The following PHACTR1 variants were observed in gnomAD, a reference collection of about 807,000 sequenced individuals.
The protein encoded by PHACTR1 is RPEL repeat containing 1.
In PHACTR1, 16 loss-of-function variants were observed where a neutral mutation model predicts 69.2. The ratio of observed to expected loss-of-function variants is 0.23; its 90% confidence interval spans 0.16 to 0.35. The LOEUF (loss-of-function observed/expected upper bound fraction) is 0.35, where lower values mean the gene tolerates loss of function less well. PHACTR1 is among the 10% of genes least tolerant of loss of function. The pLI, the probability that PHACTR1 is intolerant of heterozygous loss-of-function variation, is 1.00. For missense variants in PHACTR1, 510 were observed against 734.7 expected (o/e 0.69, Z 3.54); for synonymous variants, 312 against 284.5 (o/e 1.10, Z -0.97).
intron 5 of PHACTR1, among the ~76,000 whole-genome samples, chr6:13,087,998 T>C (rs944630978): frequency 6.6e-6 from 1 of 152,146 alleles, no homozygotes; most frequent in African/African-American, 2.4e-5. Flanking sequence ...ATCACCATAT[T>C]GAAGGGCGAA....
In PHACTR1 at chr6:13,179,246, C is replaced by T. The variant is rs1282089771; in HGVS notation, c.497-3273C>T. ...GTGAGACCCTGTCTCAAACAAACAG[C>T]AACAACAACAACAACAAACCCAGTA... On this transcript the variant is annotated intron_variant, in intron 6 of 14. Transcript: ENST00000332995. This position sits in a 1 kb window ranked among gnomAD's most constrained non-coding sequence, Gnocchi z 4.2. Among the ~76,000 whole-genome samples, 1 of 151,850 alleles carries T rather than the reference C, an allele frequency of 6.6e-6. No individual in the cohort carries two copies. The highest frequency in any genetic ancestry group is 1.9e-4 in the East Asian group (1 of 5,178).
intron 5 of PHACTR1, among the ~76,000 whole-genome samples, chr6:13,108,301 A>C (rs975000612): frequency 1.3e-5 from 2 of 152,096 alleles, no homozygotes; most frequent in African/African-American, 4.8e-5. Context: ...TGGTGTATAA[A>C]ATAACTTGGT....
chr6:13,064,213 G>A (rs904648383), intron 5 of PHACTR1, among the ~76,000 whole-genome samples: 1 of 152,012 alleles, frequency 6.6e-6, no homozygotes, highest in Admixed American at 6.6e-5. Flanking sequence ...GACTAAAATA[G>A]TGACATTAGG....
intron 3 of PHACTR1, among the ~76,000 whole-genome samples, chr6:12,741,144 G>A (rs888218583): frequency 2.6e-5 from 4 of 151,834 alleles, no homozygotes; most frequent in African/African-American, 9.7e-5. Flanking sequence ...TGCAATAAAT[G>A]TCCCAACCAG....
At chr6:12,933,613 CAT>C in intron 4 of PHACTR1, 1 of 1,611,864 alleles carries the variant, frequency 6.2e-7, no homozygotes, top group African/African-American at 1.3e-5. Flanking sequence ...TTAATGTCTT[CAT>C]GTTTCCACAA....
At chr6:13,216,615 G>A (rs140458667) in intron 8 of PHACTR1, among the ~76,000 whole-genome samples, 1 of 152,162 alleles carries the variant, frequency 6.6e-6, no homozygotes, top group Non-Finnish European at 1.5e-5. Context: ...CACAATTCCA[G>A]CTAGACATTT....
At chr6:13,064,602 ATATCTATATATCTATC>A (rs60283945) in intron 5 of PHACTR1, among the ~76,000 whole-genome samples, 67 of 6,442 alleles carry the variant, frequency 0.01, 14 homozygotes, top group African/African-American at 0.014. Context: ...ATATATATAT[ATATCTATATATCTATC>A]TATCCACACT....
rs2127695645 is a variant in PHACTR1, at chr6:12,811,238, A to G, written c.250+61448A>G. 1.3e-5 allele frequency among the ~76,000 whole-genome samples: 2 copies of G among 152,362 alleles called. 1 individual carries two copies. Among genetic ancestry groups the G allele is most frequent in the Middle Eastern group, 6.8e-3 (2 of 294 alleles). ...GATAGTTTGAAGACAACATTGAAAA[A>G]TGTACTAGATTACAATTTTCCTGGT... On this transcript the variant is annotated intron_variant, in intron 4 of 14. Transcript: ENST00000332995.
chr6:13,093,440 C>T (rs1813616713), intron 5 of PHACTR1, among the ~76,000 whole-genome samples: 1 of 152,174 alleles, frequency 6.6e-6, no homozygotes. Context: ...AAACAATCAG[C>T]CTCCCACGGC....
At chr6:13,034,239 G>T (rs1802936527) in intron 4 of PHACTR1, among the ~76,000 whole-genome samples, 1 of 151,812 alleles carries the variant, frequency 6.6e-6, no homozygotes, top group Non-Finnish European at 1.5e-5. Flanking sequence ...GGATGATCTC[G>T]ATCTCCTGAC....
chr6:13,047,634 G>A (rs1805283393), intron 4 of PHACTR1, among the ~76,000 whole-genome samples: 1 of 151,446 alleles, frequency 6.6e-6, no homozygotes, highest in South Asian at 2.1e-4. Context: ...AAAAACCCTA[G>A]GAGCATTTAG....
intron 4 of PHACTR1, among the ~76,000 whole-genome samples, chr6:13,036,938 A>T (rs186628314): frequency 4.5e-4 from 68 of 152,274 alleles, no homozygotes; most frequent in Non-Finnish European, 8.4e-4. Flanking sequence ...GTTACTTCCT[A>T]TGTGTCATAA....
intron 4 of PHACTR1, among the ~76,000 whole-genome samples, chr6:12,988,441 G>A (rs1402309115): frequency 6.6e-6 from 1 of 152,144 alleles, no homozygotes; most frequent in Non-Finnish European, 1.5e-5. Flanking sequence ...TTGAAGCGGA[G>A]GCTCCCCTTT....
chr6:12,818,980 C>T (rs114777271), intron 4 of PHACTR1, among the ~76,000 whole-genome samples: 383 of 152,274 alleles, frequency 2.5e-3, no homozygotes, highest in African/African-American at 8.6e-3. Flanking sequence ...GGAAATAAAG[C>T]GCAGAGTTTG....
intron 3 of PHACTR1, among the ~76,000 whole-genome samples, chr6:12,737,926 G>A (rs1015275849): frequency 3.9e-5 from 6 of 152,032 alleles, no homozygotes; most frequent in South Asian, 2.1e-4. Flanking sequence ...TAACCACAGC[G>A]CATCTATCCC....
At chr6:12,753,993 C>T (rs866273412) in intron 4 of PHACTR1, among the ~76,000 whole-genome samples, 2 of 145,216 alleles carry the variant, frequency 1.4e-5, no homozygotes, top group African/African-American at 2.5e-5. Flanking sequence ...GACAGAGTCT[C>T]ACTCTGTCAC....
chr6:12,804,332 C>T (rs1329927703), intron 4 of PHACTR1, among the ~76,000 whole-genome samples: 2 of 152,070 alleles, frequency 1.3e-5, no homozygotes, highest in Non-Finnish European at 2.9e-5. Context: ...GGCTTTTGTC[C>T]CATAAATTTT....
intron 4 of PHACTR1, among the ~76,000 whole-genome samples, chr6:12,961,070 G>C (rs1792657955): frequency 6.6e-6 from 1 of 152,096 alleles, no homozygotes; most frequent in South Asian, 2.1e-4. Context: ...ACAGTTGCAG[G>C]GAAAGGGTTT....
chr6:13,021,492 C>T lies in PHACTR1; in HGVS notation c.251-31873C>T, dbSNP rs184517534. 4.6e-5 allele frequency among the ~76,000 whole-genome samples: 7 copies of T among 152,276 alleles called. No individual in the cohort carries two copies. In the East Asian group the frequency reaches 5.8e-4, roughly 13 times the overall value. ...ACATGCCACTATAAACATTCATGCG[C>T]GAGCTTTAGCATGGACACAGGTTTT... On this transcript the variant is annotated intron_variant, in intron 4 of 14. Transcript: ENST00000332995.
Sources: gnomAD v4.1 joint callset for allele counts (sites outside exome capture counted in the v4.1 genomes callset) on GRCh38, gnomAD v4.1.1 for gene constraint, Gnocchi (gnomAD v3.1) non-coding constraint, MANE v1.5 for transcripts, NCBI Gene and HGNC (gene_info 2026-07-23, HGNC 2026-07-21) for gene names.